Variants in PLD5 observed in about 807,000 individuals in gnomAD.
The protein encoded by PLD5 is inactive phospholipase D5.
Under a neutral mutation model 61.1 loss-of-function variants are expected in PLD5, and 36 were observed. That is an observed-to-expected ratio of 0.59 (90% CI 0.45 to 0.78). PLD5 has a LOEUF of 0.78. PLD5 is among the 30% of genes least tolerant of loss of function. PLD5 has a pLI of 0.00. For synonymous variants in PLD5, 243 were observed against 242.8 expected (o/e 1.00, Z -0.01); for missense variants, 515 against 644.4 (o/e 0.80, Z 2.17).
At chr1:242,486,846 T>C (rs1188675336) in intron 1 of PLD5, among the ~76,000 whole-genome samples, 1 of 151,932 alleles carries the variant, frequency 6.6e-6, no homozygotes, top group Non-Finnish European at 1.5e-5. Context: ...ATTAAGAAAA[T>C]GTGGCACATA....
At chr1:242,198,701 C>CAAAA (rs10603005) in intron 5 of PLD5, among the ~76,000 whole-genome samples, 15 of 51,540 alleles carry the variant, frequency 2.9e-4, no homozygotes, top group African/African-American at 5.6e-4. Flanking sequence ...AAGTCCTTAG[C>CAAAA]AAAAAAAAAA....
chr1:242,310,644 A>G (rs1676645807), intron 2 of PLD5, among the ~76,000 whole-genome samples: 2 of 152,226 alleles, frequency 1.3e-5, no homozygotes, highest in South Asian at 4.1e-4. Context: ...AAAAATCACA[A>G]TTACTTTTGC....
At chr1:242,497,961 T>TTTTG in intron 1 of PLD5, among the ~76,000 whole-genome samples, 1 of 151,538 alleles carries the variant, frequency 6.6e-6, no homozygotes, top group Admixed American at 6.6e-5. Context: ...CTTCAATTTA[T>TTTTG]TTTATTTATT....
rs1669388102 is a variant in PLD5 at position 242,524,545 on chromosome 1, G to GGGGGACGGAC, written c.-279_-270dup. On this transcript the variant is annotated 5_prime_UTR_variant, in exon 1 of 10. Transcript: ENST00000536534. ...GGGCGGGGGCGGGGGCGGGGGCGGA[G>GGGGGACGGAC]GGGGACGGACGGGGAGAAGGGGGAC... The GGGGGACGGAC allele has an allele frequency of 5.4e-6, 1 of 184,170 alleles. No homozygotes were observed. The highest frequency in any genetic ancestry group is 2.7e-5 in the African/African-American group (1 of 36,900). The allele number at this position is 184,170 out of a possible 1,614,324, so 11.4% of individuals were successfully genotyped here.
intron 1 of PLD5, among the ~76,000 whole-genome samples, chr1:242,507,384 T>C (rs549946096): frequency 1.6e-4 from 24 of 152,316 alleles, no homozygotes; most frequent in African/African-American, 5.1e-4. Context: ...TTCAAGCCTC[T>C]ACATTTCAAT....
chr1:242,202,703 T>C (rs1338491088), intron 5 of PLD5, among the ~76,000 whole-genome samples: 4 of 152,238 alleles, frequency 2.6e-5, no homozygotes, highest in Non-Finnish European at 5.9e-5. Flanking sequence ...AAGATTTATA[T>C]GGCTACTGAA....
intron 5 of PLD5, among the ~76,000 whole-genome samples, chr1:242,207,564 C>T (rs1010135048): frequency 6.6e-6 from 1 of 151,734 alleles, no homozygotes; most frequent in African/African-American, 2.4e-5. Context: ...GACTCTGTAT[C>T]TTTGTTCACT....
chr1:242,151,546 A>G (rs969985846), intron 5 of PLD5, among the ~76,000 whole-genome samples: 1 of 151,922 alleles, frequency 6.6e-6, no homozygotes, highest in African/African-American at 2.4e-5. Context: ...CAATATTCCT[A>G]TATGTAATAT....
At chr1:242,201,841 A>T (rs1669007391) in intron 5 of PLD5, among the ~76,000 whole-genome samples, 1 of 152,184 alleles carries the variant, frequency 6.6e-6, no homozygotes, top group Non-Finnish European at 1.5e-5. Context: ...CATTTTGAAG[A>T]CAATGTCAGA....
intron 2 of PLD5, among the ~76,000 whole-genome samples, chr1:242,338,638 G>A (rs1269193593): frequency 7.9e-5 from 12 of 152,026 alleles, no homozygotes; most frequent in African/African-American, 2.4e-4. Context: ...ACACACTTTC[G>A]GATTTCCTCC....
intron 1 of PLD5, among the ~76,000 whole-genome samples, chr1:242,422,724 C>T (rs746745411): frequency 2.6e-5 from 4 of 152,100 alleles, no homozygotes; most frequent in African/African-American, 4.8e-5. Context: ...AAAATCTAGA[C>T]GTGAAAAATG....
At chr1:242,357,684 A>C (rs1475189487) in intron 1 of PLD5, among the ~76,000 whole-genome samples, 1 of 151,888 alleles carries the variant, frequency 6.6e-6, no homozygotes, top group African/African-American at 2.4e-5. Flanking sequence ...ACAGGGTTTC[A>C]CCATGTTGGC....
chr1:242,270,300 A>C (rs1336981011), intron 3 of PLD5, among the ~76,000 whole-genome samples: 2 of 151,188 alleles, frequency 1.3e-5, no homozygotes, highest in Admixed American at 6.6e-5. Context: ...GGATACTGAG[A>C]TTTCCTACAA....
Position 242,387,064 on chromosome 1 carries a change from T to C in PLD5, c.190-38822A>G, listed in dbSNP as rs570505687. The stretch of plus-strand genomic sequence containing the variant: ...AACTGTTGAATTTAAATGGGGAATA[T>C]ATGAGTAATCATTTTACTTCTTTTG... On this transcript the variant is annotated intron_variant, in intron 1 of 9. Transcript: ENST00000536534. Among the ~76,000 whole-genome samples the C allele has an allele frequency of 3.2e-3, 490 of 152,334 alleles. 1 individual carries two copies. Among genetic ancestry groups the C allele is most frequent in the Non-Finnish European group, 5.4e-3 (370 of 68,036 alleles).
intron 1 of PLD5, among the ~76,000 whole-genome samples, chr1:242,350,328 T>A (rs1660401590): frequency 1.3e-5 from 2 of 152,152 alleles, no homozygotes. Context: ...ATTTTAAAAG[T>A]CTATGTACAG....
At chr1:242,148,739 T>A (rs1027257592) in intron 5 of PLD5, among the ~76,000 whole-genome samples, 1 of 151,984 alleles carries the variant, frequency 6.6e-6, no homozygotes, top group Non-Finnish European at 1.5e-5. Context: ...TTATTGTAAA[T>A]AATACTGTCT....
intron 5 of PLD5, among the ~76,000 whole-genome samples, chr1:242,188,311 G>A (rs576011408): frequency 6.6e-6 from 1 of 152,306 alleles, no homozygotes; most frequent in South Asian, 2.1e-4. Flanking sequence ...ATAGGGGAAA[G>A]GGAGAAATTG....
chr1:242,494,879 T>TTTTTTTTTTTTTTTTTTTTC (rs1558146952), intron 1 of PLD5, among the ~76,000 whole-genome samples: 1 of 50,278 alleles, frequency 2.0e-5, no homozygotes, highest in Non-Finnish European at 4.3e-5. Flanking sequence ...TTTTCTTTTC[T>TTTTTTTTTTTTTTTTTTTTC]GTTTTTTTTT....
At chr1:242,430,156 C>A (rs946144499) in intron 1 of PLD5, among the ~76,000 whole-genome samples, 1 of 151,816 alleles carries the variant, frequency 6.6e-6, no homozygotes, top group African/African-American at 2.4e-5. Context: ...TAGCACATAG[C>A]ATCTCAGTGT....
Sources: allele counts gnomAD v4.1 joint callset (sites outside exome capture counted in the v4.1 genomes callset), GRCh38; gene constraint gnomAD v4.1.1; transcripts MANE v1.5; gene names NCBI Gene and HGNC (gene_info 2026-07-23, HGNC 2026-07-21).